Variants in PAX7 observed in about 807,000 individuals in gnomAD.
PAX7 encodes the protein paired box protein Pax-7.
PAX7 carries 18 observed loss-of-function variants against 50.7 expected under a neutral mutation model. The ratio of observed to expected loss-of-function variants is 0.36; its 90% confidence interval spans 0.25 to 0.53. The LOEUF (loss-of-function observed/expected upper bound fraction) is 0.53, where lower values mean the gene tolerates loss of function less well. PAX7 is among the 20% of genes least tolerant of loss of function. The probability of loss-of-function intolerance (pLI) is 0.93; values close to 1 mark genes in which losing one functional copy is unlikely to be tolerated. For synonymous variants in PAX7, 310 were observed against 290.4 expected, an observed-to-expected ratio of 1.07 and a Z score of -0.69; for missense variants, 644 against 702.9, an observed-to-expected ratio of 0.92 and a Z score of 0.95.
At chr1:18,638,607 T>C (rs1203831767) in intron 4 of PAX7, among the ~76,000 whole-genome samples, 2 of 152,184 alleles carry the variant, frequency 1.3e-5, no homozygotes, top group East Asian at 3.8e-4. Context: ...CGCAAGCATC[T>C]CTTAGTGTGA....
chr1:18,692,732 G>C (rs2089090914), intron 5 of PAX7, among the ~76,000 whole-genome samples: 1 of 152,238 alleles, frequency 6.6e-6, no homozygotes, highest in Admixed American at 6.5e-5. Context: ...CACGTAGGCT[G>C]GGTAGGCCAG....
At chr1:18,690,693 C>T (rs1015099588) in intron 4 of PAX7, among the ~76,000 whole-genome samples, 3 of 152,258 alleles carry the variant, frequency 2.0e-5, no homozygotes, top group Non-Finnish European at 4.4e-5. Flanking sequence ...AGGCCTTCAC[C>T]CACCCCCAGT....
intron 1 of PAX7, among the ~76,000 whole-genome samples, chr1:18,633,640 G>A (rs2088095699): frequency 6.6e-6 from 1 of 152,180 alleles, no homozygotes; most frequent in African/African-American, 2.4e-5. Context: ...GTCACCCAAG[G>A]GACAACCAGG....
intron 7 of PAX7, among the ~76,000 whole-genome samples, chr1:18,731,803 G>A (rs954959501): frequency 2.0e-5 from 3 of 152,130 alleles, no homozygotes; most frequent in African/African-American, 7.2e-5. Context: ...ATCCCATTGA[G>A]CAAATCCCAT....
intron 5 of PAX7, among the ~76,000 whole-genome samples, chr1:18,694,466 AAATAAATAAAT>A (rs2089123775): frequency 3.0e-5 from 1 of 33,382 alleles, no homozygotes; most frequent in African/African-American, 1.4e-4. Context: ...TCTCGAAAAT[AAATAAATAAAT>A]AAATAAATAA....
intron 7 of PAX7, among the ~76,000 whole-genome samples, chr1:18,709,757 C>A (rs1420269546): frequency 1.3e-5 from 2 of 152,172 alleles, no homozygotes; most frequent in Non-Finnish European, 2.9e-5. Context: ...TGGCAAGTGG[C>A]AGAGTTAGGA....
intron 4 of PAX7, among the ~76,000 whole-genome samples, chr1:18,683,519 T>G (rs1447963884): frequency 1.3e-5 from 2 of 152,208 alleles, no homozygotes; most frequent in African/African-American, 4.8e-5. Flanking sequence ...GGACAGTCAA[T>G]GCTCTTGACT....
At chr1:18,736,298 C>G (rs1185544774) in intron 8 of PAX7, among the ~76,000 whole-genome samples, 1 of 151,932 alleles carries the variant, frequency 6.6e-6, no homozygotes, top group African/African-American at 2.4e-5. Flanking sequence ...AACTCTGTCT[C>G]TACTAAAAAT....
intron 4 of PAX7, among the ~76,000 whole-genome samples, chr1:18,658,992 T>C (rs1296666075): frequency 6.6e-6 from 1 of 152,048 alleles, no homozygotes. Flanking sequence ...ATGTGTGTGT[T>C]GTGTGTGCAT....
At chr1:18,668,265 C>T (rs539771975) in intron 4 of PAX7, among the ~76,000 whole-genome samples, 1 of 152,300 alleles carries the variant, frequency 6.6e-6, no homozygotes, top group South Asian at 2.1e-4. Context: ...TGAGCCACAC[C>T]CTCTGAATTT....
chr1:18,713,999 C>T (rs2089386927), intron 7 of PAX7, among the ~76,000 whole-genome samples: 1 of 152,048 alleles, frequency 6.6e-6, no homozygotes, highest in African/African-American at 2.4e-5. Flanking sequence ...TCACTTGAGG[C>T]CGGGAGTTCG....
chr1:18,745,184 C>T lies in PAX7; in HGVS notation c.*255C>T. On this transcript the variant is annotated 3_prime_UTR_variant, in exon 9 of 9. Coordinates refer to ENST00000420770, the MANE Select transcript of PAX7 (RefSeq NM_001135254.2). Reference sequence around the variant, plus strand: ...GTTTCTGGTCAGCCTGAGGTCCTCCCCTGTCAAATCCCATGGTGGCCTCTG... The same window carrying T: ...GTTTCTGGTCAGCCTGAGGTCCTCCTCTGTCAAATCCCATGGTGGCCTCTG... 2 of 519,228 alleles carry T rather than the reference C, an allele frequency of 3.9e-6. No individual in the cohort carries two copies. The highest frequency in any genetic ancestry group is 3.2e-5 in the East Asian group (1 of 30,978). 32.2% of individuals were successfully genotyped at this position (519,228 alleles called of 1,614,324 possible).
chr1:18,661,064 G>A (rs1292387455), intron 4 of PAX7, among the ~76,000 whole-genome samples: 1 of 152,184 alleles, frequency 6.6e-6, no homozygotes, highest in East Asian at 1.9e-4. Flanking sequence ...GGGGGCCAAA[G>A]CATGGAGGAT....
intron 7 of PAX7, among the ~76,000 whole-genome samples, chr1:18,705,322 G>A (rs1187270256): frequency 6.6e-6 from 1 of 152,168 alleles, no homozygotes. Context: ...GGCTGGGGGA[G>A]GACACTGCCG....
intron 4 of PAX7, among the ~76,000 whole-genome samples, chr1:18,646,445 C>G (rs1424430587): frequency 2.0e-5 from 3 of 152,152 alleles, no homozygotes; most frequent in African/African-American, 7.2e-5. Flanking sequence ...GCCTCAGTTT[C>G]CCTATCTGAT....
rs962528791 is a variant in PAX7, at chr1:18,748,078, G to A, written c.*3149G>A. The A allele has an allele frequency of 1.4e-5, 3 of 212,942 alleles. No homozygotes were observed. The East Asian group carries it at 2.1e-4, about 15-fold the overall frequency. 13.2% of individuals were successfully genotyped at this position (212,942 alleles called of 1,614,324 possible). A position where few individuals can be genotyped will look rare whatever the true frequency, so the allele number is the denominator to read the frequency against. On this transcript the variant is annotated 3_prime_UTR_variant, in exon 9 of 9. Coordinates refer to ENST00000420770, the MANE Select transcript of PAX7 (RefSeq NM_001135254.2). ...TAGCTTTGTTGTTCTTTTGCCAGAGGAACATCAAAGGGCAGAGCAAACAGA... is the reference window on the plus strand; with the variant it reads ...TAGCTTTGTTGTTCTTTTGCCAGAGAAACATCAAAGGGCAGAGCAAACAGA...
At chr1:18,670,462 G>A (rs531066262) in intron 4 of PAX7, among the ~76,000 whole-genome samples, 1 of 152,156 alleles carries the variant, frequency 6.6e-6, no homozygotes, top group Non-Finnish European at 1.5e-5. Flanking sequence ...AGGCCCAGGG[G>A]ACCTGTCTGC....
chr1:18,709,459 C>T (rs1309389360), intron 7 of PAX7, among the ~76,000 whole-genome samples: 1 of 152,216 alleles, frequency 6.6e-6, no homozygotes, highest in African/African-American at 2.4e-5. Flanking sequence ...ACGATCACGG[C>T]CAACCAGCCT....
In PAX7 at chr1:18,691,863, G is replaced by T; in HGVS notation, c.696G>T (p.Leu232=). 1 of 1,613,948 alleles carries T rather than the reference G, an allele frequency of 6.2e-7. No individual in the cohort carries two copies. The highest frequency in any genetic ancestry group is 8.5e-7 in the Non-Finnish European group (1 of 1,179,968). The change falls in exon 5 of 9, where the codon CTG becomes CTT. Residue 232 remains leucine (L), a synonymous_variant. Transcript: ENST00000420770. ...TCACGGCCGAGCAGCTGGAGGAGCT[G>T]GAGAAGGCCTTTGAGAGGACCCACT... ...TTFTAEQLEE[L]EKAFERTHYP... is the part of the protein sequence containing the mutation.
Sources: allele counts gnomAD v4.1 joint callset (sites outside exome capture counted in the v4.1 genomes callset), GRCh38; gene constraint gnomAD v4.1.1; transcripts MANE v1.5; gene names NCBI Gene and HGNC (gene_info 2026-07-23, HGNC 2026-07-21).